Variants in PLB1 observed in about 807,000 individuals in gnomAD.
PLB1 encodes phospholipase B1, membrane-associated.
Under a neutral mutation model 227.4 loss-of-function variants are expected in PLB1, and 242 were observed. The observed-to-expected ratio is 1.06, with a 90% CI of 0.96 to 1.18. The LOEUF is 1.18. Among genes scored for constraint, PLB1 ranks in the 50% most tolerant of loss-of-function variants. The pLI, the probability that PLB1 is intolerant of heterozygous loss-of-function variation, is 0.00. For missense variants in PLB1, 1,858 were observed against 1,816.3 expected (o/e 1.02, Z -0.42); for synonymous variants, 757 against 682.2 (o/e 1.11, Z -1.71).
chr2:28,628,801 G>A (rs1310021778), intron 52 of PLB1, among the ~76,000 whole-genome samples, 173 bp downstream of exon 52: 3 of 152,164 alleles, frequency 2.0e-5, no homozygotes, highest in Non-Finnish European at 2.9e-5. Flanking sequence ...TTCTCACTTG[G>A]CCAGAGACAG....
intron 20 of PLB1, among the ~76,000 whole-genome samples, chr2:28,572,249 A>G (rs1019136025): frequency 6.6e-6 from 1 of 152,230 alleles, no homozygotes; most frequent in South Asian, 2.1e-4. Context: ...GGAAGACATA[A>G]TAAGTGTTGA....
At chr2:28,605,602 C>T (rs140690366) in intron 41 of PLB1, among the ~76,000 whole-genome samples, 26 of 152,254 alleles carry the variant, frequency 1.7e-4, no homozygotes, top group African/African-American at 4.6e-4. Flanking sequence ...AAAATAAATA[C>T]GACACTTCTA....
intron 15 of PLB1, among the ~76,000 whole-genome samples, chr2:28,549,480 A>G (rs1673873248): frequency 8.2e-6 from 1 of 121,972 alleles, no homozygotes; most frequent in Non-Finnish European, 1.6e-5. Flanking sequence ...CAGTGGCACA[A>G]TCTTGGCTCA....
At chr2:28,547,085 C>G (rs1035913289) in intron 14 of PLB1, among the ~76,000 whole-genome samples, 1 of 151,792 alleles carries the variant, frequency 6.6e-6, no homozygotes, top group Non-Finnish European at 1.5e-5. Flanking sequence ...CCTATAGTCC[C>G]AGCTACTCGG....
chr2:28,629,738 T>C lies in PLB1; in HGVS notation c.3818+553T>C, dbSNP rs112488425. ...GAAATAGCTCTTATTCCATCCTTGA[T>C]GGGGCCTGTCCTTGATAGCTGGGCT... On this transcript the variant is annotated intron_variant, in intron 53 of 57. Coordinates refer to ENST00000327757, the MANE Select transcript of PLB1 (RefSeq NM_153021.5). Among the ~76,000 whole-genome samples the C allele has an allele frequency of 5.7e-3, 865 of 152,298 alleles. 5 individuals carry two copies. The highest frequency in any genetic ancestry group is 8.7e-3 in the Non-Finnish European group (593 of 67,998).
Position 28,496,126 on chromosome 2 carries a change from G to C in PLB1, c.12G>C (p.Arg4=). The C allele has an allele frequency of 1.9e-6, 3 of 1,614,104 alleles. No individual in the cohort carries two copies. The highest frequency in any genetic ancestry group is 2.5e-6 in the Non-Finnish European group (3 of 1,180,000). Residue 4 remains arginine, a synonymous_variant, in exon 1 of 58, where the codon CGG becomes CGC. Transcript: ENST00000327757. MGL[R]PGIFLLELLL... is the part of the protein sequence containing the mutation. ...TGGAGCATTCTGGCATGGGGCTGCG[G>C]CCAGGCATTTTCCTCCTGGAGCTGC... is the stretch of plus-strand genomic sequence containing the variant.
At chr2:28,529,977 TTTTATTTA>T (rs545621332) in intron 8 of PLB1, among the ~76,000 whole-genome samples, 198 bp downstream of exon 8, 6 of 152,122 alleles carry the variant, frequency 3.9e-5, no homozygotes, top group Admixed American at 1.3e-4. Flanking sequence ...TGTTGTTTAT[TTTTATTTA>T]TTTATTTATT....
chr2:28,546,934 T>C (rs1673355515), intron 14 of PLB1, among the ~76,000 whole-genome samples: 1 of 152,106 alleles, frequency 6.6e-6, no homozygotes, highest in South Asian at 2.1e-4. Flanking sequence ...GCGTGGTGGC[T>C]CATGCTTGTA....
intron 18 of PLB1, among the ~76,000 whole-genome samples, chr2:28,564,271 G>A (rs553245924): frequency 6.6e-6 from 1 of 152,264 alleles, no homozygotes; most frequent in East Asian, 1.9e-4. Context: ...ATGAAGCTGG[G>A]CAAGGTGAAG....
intron 44 of PLB1, among the ~76,000 whole-genome samples, chr2:28,616,110 G>T (rs774297699): frequency 1.9e-4 from 29 of 152,190 alleles, no homozygotes; most frequent in Non-Finnish European, 3.8e-4. Flanking sequence ...AGCAGAAATT[G>T]ATTAACAGAA....
intron 1 of PLB1, among the ~76,000 whole-genome samples, chr2:28,514,076 AT>A (rs1668570277): frequency 1.3e-5 from 2 of 152,232 alleles, no homozygotes; most frequent in African/African-American, 4.8e-5. Flanking sequence ...TGCTGAGTAT[AT>A]TAGCTGTCAT....
chr2:28,543,337 C>A (rs879063868), intron 14 of PLB1, 69 bp downstream of exon 14: 1 of 1,525,134 alleles, frequency 6.6e-7, no homozygotes, highest in South Asian at 1.2e-5. Context: ...CTGAGCCCAC[C>A]GTGCTGAGGA....
At chr2:28,593,812 C>A in intron 33 of PLB1, 58 bp downstream of exon 33, 2 of 1,433,322 alleles carry the variant, frequency 1.4e-6, no homozygotes, top group Non-Finnish European at 2.0e-6. Flanking sequence ...TTAGGTGTGG[C>A]TTTGTCTCCT....
intron 49 of PLB1, among the ~76,000 whole-genome samples, chr2:28,621,485 G>A (rs901736512): frequency 6.6e-6 from 1 of 152,226 alleles, no homozygotes; most frequent in Admixed American, 6.5e-5. Context: ...TAGGGAGTTA[G>A]ATGTCAGGGC....
chr2:28,553,236 A>G (rs532180287), intron 17 of PLB1, among the ~76,000 whole-genome samples: 1 of 152,196 alleles, frequency 6.6e-6, no homozygotes, highest in Non-Finnish European at 1.5e-5. Context: ...AAAGAACCCA[A>G]TGTTAGTTGT....
At chr2:28,611,353 G>A (rs1685432553) in intron 43 of PLB1, among the ~76,000 whole-genome samples, 1 of 152,156 alleles carries the variant, frequency 6.6e-6, no homozygotes, top group Non-Finnish European at 1.5e-5. Context: ...CCTTCCCTCA[G>A]TGCCTCCCAT....
Position 28,617,798 on chromosome 2 carries a change from ACAT to A in PLB1, c.3256+19_3256+21del, listed in dbSNP as rs1437926445. On this transcript the variant is annotated intron_variant, in intron 45 of 57. Transcript: ENST00000327757. ...GTGTTCCAACCTCTGGTGAGTGAAA[ACAT>A]CATCATCTCCTTCAATTAAGGGCCT... 1.9e-6 allele frequency: 3 copies of A among 1,611,610 alleles called. No individual in the cohort carries two copies. Among genetic ancestry groups the A allele is most frequent in the East Asian group, 4.5e-5 (2 of 44,872 alleles).
At chr2:28,536,472 T>A (rs1298378567) in intron 9 of PLB1, among the ~76,000 whole-genome samples, 6 of 152,218 alleles carry the variant, frequency 3.9e-5, no homozygotes, top group Non-Finnish European at 7.3e-5. Context: ...CTTGTAAACG[T>A]CTCTAGCTAC....
intron 43 of PLB1, among the ~76,000 whole-genome samples, chr2:28,610,923 T>C (rs1026849621): frequency 2.6e-5 from 4 of 152,090 alleles, no homozygotes; most frequent in Non-Finnish European, 1.5e-5. Context: ...AATCTAGCCT[T>C]CAAGAGCCAG....
Sources: gnomAD v4.1 joint callset for allele counts (sites outside exome capture counted in the v4.1 genomes callset) on GRCh38, gnomAD v4.1.1 for gene constraint, MANE v1.5 for transcripts, NCBI Gene and HGNC (gene_info 2026-07-23, HGNC 2026-07-21) for gene names.